CCSER2: variants seen among roughly 807,000 people sequenced by gnomAD.
CCSER2 encodes coiled-coil serine rich protein 2.
CCSER2 carries 46 observed loss-of-function variants against 92.3 expected under a neutral mutation model. The ratio of observed to expected loss-of-function variants is 0.50; its 90% CI spans 0.39 to 0.64. The LOEUF (loss-of-function observed/expected upper bound fraction) is 0.64. CCSER2 is among the 30% of genes least tolerant of loss of function. CCSER2 has a pLI of 0.00. For synonymous variants in CCSER2, 433 were observed against 431.4 expected (o/e 1.00, Z -0.04); for missense variants, 1,244 against 1,238.9 (o/e 1.00, Z -0.06).
At chr10:84,475,508 G>A (rs1847086805) in intron 8 of CCSER2, among the ~76,000 whole-genome samples, 1 of 152,082 alleles carries the variant, frequency 6.6e-6, no homozygotes, top group East Asian at 1.9e-4. Context: ...TTGATTATAT[G>A]ATGGTACAAA....
rs546954573 is a variant in CCSER2 at position 84,439,882 on chromosome 10, C to T, written c.2064+1175C>T. Among the ~76,000 whole-genome samples the T allele has an allele frequency of 3.9e-5, 6 of 152,194 alleles. No individual in the cohort carries two copies. In the South Asian group the frequency reaches 1.2e-3, roughly 32 times the overall value. On this transcript the variant is annotated intron_variant, in intron 6 of 9. Coordinates refer to ENST00000372088, the MANE Select transcript of CCSER2 (RefSeq NM_001284240.2). Reference sequence around the variant, plus strand: ...ATATAGTGTTTTTCTGTTGGCTGGTCTGGGGAGATGATTTTTTGATTAGGA... The same window carrying T: ...ATATAGTGTTTTTCTGTTGGCTGGTTTGGGGAGATGATTTTTTGATTAGGA...
chr10:84,378,268 T>G (rs1018214000), intron 3 of CCSER2, among the ~76,000 whole-genome samples: 61 of 95,416 alleles, frequency 6.4e-4, no homozygotes, highest in Admixed American at 3.2e-3. Context: ...GATAATGAAG[T>G]TTTTTTTGTG....
chr10:84,373,467 T>C, intron 2 of CCSER2, 152 bp from the exon 3 acceptor site: 1 of 533,290 alleles, frequency 1.9e-6, no homozygotes, highest in South Asian at 3.7e-5. Flanking sequence ...CTTGATGTTT[T>C]TATTGCTTAG....
intron 5 of CCSER2, among the ~76,000 whole-genome samples, chr10:84,435,893 T>G (rs1388797722): frequency 6.6e-6 from 1 of 152,114 alleles, no homozygotes; most frequent in African/African-American, 2.4e-5. Flanking sequence ...TCAGCTGATT[T>G]AAGATGAAGA....
chr10:84,480,942 A>G (rs116086982), intron 9 of CCSER2, among the ~76,000 whole-genome samples: 3,636 of 152,288 alleles, frequency 0.024, 136 homozygotes, highest in African/African-American at 0.083. Context: ...CCTTTAATCA[A>G]GTTAAGGAAT....
At chr10:84,475,451 A>T (rs1366427122) in intron 8 of CCSER2, among the ~76,000 whole-genome samples, 1 of 152,234 alleles carries the variant, frequency 6.6e-6, no homozygotes, top group Non-Finnish European at 1.5e-5. Flanking sequence ...GTGTGAGCAT[A>T]TAGACCACAG....
intron 6 of CCSER2, among the ~76,000 whole-genome samples, chr10:84,454,028 C>T (rs372113189): frequency 2.0e-5 from 3 of 152,130 alleles, no homozygotes; most frequent in East Asian, 3.8e-4. Context: ...CAGATTACCA[C>T]ACCTTGGAGG....
At chr10:84,435,638 C>CAA (rs5786657) in intron 5 of CCSER2, among the ~76,000 whole-genome samples, 25 of 106,844 alleles carry the variant, frequency 2.3e-4, no homozygotes, top group African/African-American at 7.8e-4. Context: ...CCATTCAGTG[C>CAA]AAAAAAAAAA....
At chr10:84,333,229 C>T (rs1436960098) in intron 1 of CCSER2, among the ~76,000 whole-genome samples, 1 of 152,020 alleles carries the variant, frequency 6.6e-6, no homozygotes, top group Non-Finnish European at 1.5e-5. Context: ...GAAAGGAAAC[C>T]TTAGTAATCT....
chr10:84,366,601 T>C (rs1474465593), intron 1 of CCSER2, among the ~76,000 whole-genome samples: 1 of 152,202 alleles, frequency 6.6e-6, no homozygotes, highest in Non-Finnish European at 1.5e-5. Flanking sequence ...ACTTTGAGGA[T>C]AGAATCTTCC....
chr10:84,507,366 C>G (rs1173060228), intron 9 of CCSER2: 1 of 969,316 alleles, frequency 1.0e-6, no homozygotes, highest in Non-Finnish European at 1.2e-6. Flanking sequence ...TTCCTACCAC[C>G]TTCCTCATAA....
chr10:84,343,944 T>C lies in CCSER2; in HGVS notation c.-40+15136T>C, dbSNP rs921158281. On this transcript the variant is annotated intron_variant, in intron 1 of 9. Coordinates refer to ENST00000372088, the MANE Select transcript of CCSER2 (RefSeq NM_001284240.2). ...AACCTAATGTATTTGACTAGTACTG[T>C]GAAGATGCTGTTTAATTGTCAGTTA... Among the ~76,000 whole-genome samples the C allele has an allele frequency of 9.9e-5, 15 of 152,218 alleles. 1 individual carries two copies. In the South Asian group the frequency reaches 3.1e-3, roughly 32 times the overall value.
At chr10:84,350,425 A>G (rs1844798914) in intron 1 of CCSER2, among the ~76,000 whole-genome samples, 2 of 152,144 alleles carry the variant, frequency 1.3e-5, no homozygotes, top group Admixed American at 6.5e-5. Flanking sequence ...TGTAAGTGCA[A>G]AATGCATAGG....
intron 3 of CCSER2, among the ~76,000 whole-genome samples, chr10:84,374,331 A>G (rs555915459): frequency 2.6e-5 from 4 of 152,306 alleles, no homozygotes; most frequent in African/African-American, 9.6e-5. Context: ...GGATAATACA[A>G]TACAAGTGTA....
At position 84,464,023 on chromosome 10, in the gene CCSER2, C is replaced by G. The variant is rs752141495; in HGVS notation, c.2148+7C>G. The G allele has an allele frequency of 6.5e-7, 1 of 1,526,936 alleles. No individual in the cohort carries two copies. The highest frequency in any genetic ancestry group is 1.4e-5 in the African/African-American group (1 of 72,732). The allele number at this position is 1,526,936 out of a possible 1,614,324, so 94.6% of individuals were successfully genotyped here. On this transcript the variant is annotated splice_region_variant and intron_variant, in intron 7 of 9. Coordinates refer to ENST00000372088, the MANE Select transcript of CCSER2 (RefSeq NM_001284240.2). ...TGGTGATAAAGTATATAAGGTATGA[C>G]TATGTAGTCATGCTGGATTTTTCAA...
In CCSER2 at chr10:84,457,244, T is replaced by TA. The variant is rs1564684134; in HGVS notation, c.2065-6689_2065-6688insA. Reference sequence around the variant, plus strand: ...ATATTATATATAAATATATTATATATTATATATTATATAAAATATATTATA... The same window carrying TA: ...ATATTATATATAAATATATTATATATATATATATTATATAAAATATATTATA... On this transcript the variant is annotated intron_variant, in intron 6 of 9. Transcript: ENST00000372088. Among the ~76,000 whole-genome samples the TA allele has an allele frequency of 2.8e-4, 18 of 64,886 alleles. No individual in the cohort carries two copies. The East Asian group carries it at 4.1e-3, about 15-fold the overall frequency. 42.6% of individuals were successfully genotyped at this position (64,886 alleles called of 152,430 possible).
chr10:84,503,617 C>CAGGA (rs1848887826), intron 9 of CCSER2, among the ~76,000 whole-genome samples: 1 of 152,194 alleles, frequency 6.6e-6, no homozygotes. Flanking sequence ...CATGTACTTA[C>CAGGA]AGGAATACTT....
At chr10:84,397,244 C>G (rs1255693158) in intron 3 of CCSER2, among the ~76,000 whole-genome samples, 1 of 152,172 alleles carries the variant, frequency 6.6e-6, no homozygotes, top group Non-Finnish European at 1.5e-5. Context: ...CTCATAAAAT[C>G]ATCCTATGAT....
chr10:84,366,548 G>A (rs1421405343), intron 1 of CCSER2, among the ~76,000 whole-genome samples: 1 of 152,194 alleles, frequency 6.6e-6, no homozygotes, highest in African/African-American at 2.4e-5. Flanking sequence ...AATGATGTAA[G>A]ATTAATTTTA....
Sources: allele counts gnomAD v4.1 joint callset (sites outside exome capture counted in the v4.1 genomes callset), GRCh38; gene constraint gnomAD v4.1.1; transcripts MANE v1.5; gene names NCBI Gene and HGNC (gene_info 2026-07-23, HGNC 2026-07-21).